The following TTI2 variants were observed in gnomAD, a reference collection of about 807,000 sequenced individuals.
TTI2 encodes the protein TELO2-interacting protein 2.
TTI2 carries 26 observed loss-of-function variants against 44.9 expected under a neutral mutation model. That is an observed-to-expected ratio of 0.58 (90% confidence interval 0.42 to 0.80). TTI2 has a LOEUF of 0.80. TTI2 is among the 30% of genes least tolerant of loss of function. TTI2 has a pLI of 0.00. For synonymous variants in TTI2, 254 were observed against 250.9 expected (o/e 1.01, Z -0.12); for missense variants, 582 against 611.6 (o/e 0.95, Z 0.51).
Position 33,500,442 on chromosome 8 carries a change from A to G in TTI2, c.1308T>C (p.Ile436=), listed in dbSNP as rs745419779. The change falls in exon 7 of 8, where the codon ATT becomes ATC. Residue 436 remains isoleucine (I), a synonymous_variant. Coordinates refer to ENST00000431156, the MANE Select transcript of TTI2 (RefSeq NM_001102401.4). ...VVLLKALLKL[I]CDVARDPNLT... ...GGTTTGGATCCCTTGCTACATCACAAATCAGTTTCAAGAGGGCCTTCAGTA... is the reference window on the plus strand; with the variant it reads ...GGTTTGGATCCCTTGCTACATCACAGATCAGTTTCAAGAGGGCCTTCAGTA... The G allele has an allele frequency of 5.6e-6, 9 of 1,613,968 alleles. No individual in the cohort carries two copies. The highest frequency in any genetic ancestry group is 2.2e-5 in the East Asian group (1 of 44,894).
intron 2 of TTI2, 67 bp from the exon 3 acceptor site, chr8:33,509,999 A>AC: frequency 9.8e-7 from 1 of 1,021,660 alleles, no homozygotes; most frequent in Non-Finnish European, 1.5e-6. Flanking sequence ...AAAAAAAAAA[A>AC]CTACTTCAAG....
In TTI2 at chr8:33,498,886, G is replaced by A. The variant is rs1808951246; in HGVS notation, c.*287C>T. The A allele has an allele frequency of 5.2e-6, 3 of 581,452 alleles. No individual in the cohort carries two copies. The South Asian group carries it at 6.5e-5, about 13-fold the overall frequency. The allele number at this position is 581,452 out of a possible 1,614,324, so 36.0% of individuals were successfully genotyped here. A position where few individuals can be genotyped will look rare whatever the true frequency, so the allele number is the denominator to read the frequency against. On this transcript the variant is annotated 3_prime_UTR_variant, in exon 8 of 8. Coordinates refer to ENST00000431156, the MANE Select transcript of TTI2 (RefSeq NM_001102401.4). Reference sequence around the variant, plus strand: ...TGTGCCCGAGAAACTTAACAGATGAGTTCTTGAATCTGGGATGAGATGACG... The same window carrying A: ...TGTGCCCGAGAAACTTAACAGATGAATTCTTGAATCTGGGATGAGATGACG...
Position 33,509,767 on chromosome 8 carries a change from G to A in TTI2, c.813C>T (p.Leu271=). 6.2e-7 allele frequency: 1 copy of A among 1,614,082 alleles called. No homozygotes were observed. Among genetic ancestry groups the A allele is most frequent in the Non-Finnish European group, 8.5e-7 (1 of 1,180,022 alleles). Reference sequence around the variant, plus strand: ...TTACCACATTAAGCACAATGTGATGGAGACAGTGTACACCCAGGATTTTGT... The same window carrying A: ...TTACCACATTAAGCACAATGTGATGAAGACAGTGTACACCCAGGATTTTGT... ...TENKILGVHC[L]HHIVLNVPAA... is the part of the protein sequence containing the mutation. Residue 271 remains leucine, a synonymous_variant, in exon 3 of 8, where the codon CTC becomes CTT. Transcript: ENST00000431156.
At chr8:33,506,315 T>C (rs1809291226) in intron 4 of TTI2, among the ~76,000 whole-genome samples, 2 of 151,682 alleles carry the variant, frequency 1.3e-5, no homozygotes, top group South Asian at 4.2e-4. Flanking sequence ...TGTGTGCTGA[T>C]AAAAGGCAAA....
chr8:33,498,805 G>A lies in TTI2; in HGVS notation c.*368C>T, dbSNP rs76212197. 0.021 allele frequency: 13,151 copies of A among 639,966 alleles called. 195 individuals carry two copies. The highest frequency in any genetic ancestry group is 0.048 in the South Asian group (2,341 of 48,812). 39.6% of individuals were successfully genotyped at this position (639,966 alleles called of 1,614,324 possible). A position where few individuals can be genotyped will look rare whatever the true frequency, so the allele number is the denominator to read the frequency against. On this transcript the variant is annotated 3_prime_UTR_variant, in exon 8 of 8. Transcript: ENST00000431156. ...GGGCAAGAAATCTGGAGTGAGTGAA[G>A]AAAGCTAAGTTGTGAACAAGAGTGT...
At chr8:33,505,814 C>T (rs948005587) in intron 4 of TTI2, among the ~76,000 whole-genome samples, 10 of 151,968 alleles carry the variant, frequency 6.6e-5, no homozygotes, top group Non-Finnish European at 1.0e-4. Context: ...CCACCATGCC[C>T]GGCTAATTTT....
At chr8:33,501,612 G>A (rs1030327889) in intron 6 of TTI2, among the ~76,000 whole-genome samples, 8 of 152,230 alleles carry the variant, frequency 5.3e-5, no homozygotes, top group South Asian at 2.1e-4. Flanking sequence ...GTGGTTTTCC[G>A]TTATCCTGGA....
intron 6 of TTI2, chr8:33,501,271 TGGGAGAAAA>T (rs1809069352): frequency 6.6e-6 from 1 of 152,216 alleles, no homozygotes; most frequent in Non-Finnish European, 1.5e-5. Context: ...GATGCGTGAC[TGGGAGAAAA>T]AAGTTTTCAT....
intron 7 of TTI2, 109 bp downstream of exon 7, chr8:33,500,219 T>C (rs983789329): frequency 1.5e-6 from 2 of 1,303,560 alleles, no homozygotes; most frequent in Non-Finnish European, 2.2e-6. Context: ...AAACCCTCCA[T>C]GTTCATTTCC....
intron 7 of TTI2, chr8:33,499,478 A>G (rs1390855755): frequency 2.0e-6 from 1 of 506,562 alleles, no homozygotes; most frequent in Non-Finnish European, 3.5e-6. Context: ...TGAAGGTGCT[A>G]CTTTAAAAAC....
rs1472127960 is a variant in TTI2 at position 33,512,234 on chromosome 8, A to G, written c.380T>C (p.Val127Ala). Residue 127 changes from valine to alanine, a missense_variant, in exon 2 of 8, where the codon GTT becomes GCT. Physicochemically the swap from Val to Ala is moderately conservative, Grantham distance 64 (BLOSUM62 0). Coordinates refer to ENST00000431156, the MANE Select transcript of TTI2 (RefSeq NM_001102401.4). ...GACCAGGGAATTCTTAGCAGTCTCA[A>G]CTTTCCCTAACAGTTTAAGAAACAG... ...GLLFLKLLGK[V>A]ETAKNSLVGP... The G allele has an allele frequency of 6.2e-6, 10 of 1,614,186 alleles. No individual in the cohort carries two copies. Among genetic ancestry groups the G allele is most frequent in the Non-Finnish European group, 8.5e-6 (10 of 1,180,030 alleles).
In TTI2 at chr8:33,499,463, T is replaced by C. The variant is rs567524279; in HGVS notation, c.1423-186A>G. 2.6e-3 allele frequency: 1,415 copies of C among 546,014 alleles called. 3 individuals are homozygous for C. Among genetic ancestry groups the C allele is most frequent in the Middle Eastern group, 5.9e-3 (12 of 2,020 alleles). 33.8% of individuals were successfully genotyped at this position (546,014 alleles called of 1,614,324 possible). On this transcript the variant is annotated intron_variant, in intron 7 of 7. Coordinates refer to ENST00000431156, the MANE Select transcript of TTI2 (RefSeq NM_001102401.4). The stretch of plus-strand genomic sequence containing the variant: ...TATTTTTAAATTTATATAGCTCTCA[T>C]GTATTGAAGGTGCTACTTTAAAAAC...
chr8:33,499,337 T>C, intron 7 of TTI2, 60 bp from the exon 8 acceptor site: 1 of 1,195,678 alleles, frequency 8.4e-7, no homozygotes, highest in Non-Finnish European at 1.2e-6. Context: ...TTTCCCCTTT[T>C]GCTTGATTCT....
At chr8:33,499,603 G>GA (rs1198952971) in intron 7 of TTI2, 3 of 233,850 alleles carry the variant, frequency 1.3e-5, no homozygotes, top group African/African-American at 6.9e-5. Flanking sequence ...GAGCTAAGAT[G>GA]AAATAGTTTG....
intron 7 of TTI2, 120 bp from the exon 8 acceptor site, chr8:33,499,397 G>A (rs1461969307): frequency 5.4e-6 from 4 of 742,908 alleles, no homozygotes; most frequent in African/African-American, 3.5e-5. Context: ...GACACTTAGG[G>A]ACAGGTCACT....
At chr8:33,511,607 G>A (rs1809529889) in intron 2 of TTI2, among the ~76,000 whole-genome samples, 1 of 152,124 alleles carries the variant, frequency 6.6e-6, no homozygotes, top group African/African-American at 2.4e-5. Flanking sequence ...ATTAAGCTAG[G>A]GCAGGCGCAG....
Position 33,503,762 on chromosome 8 carries a change from C to A in TTI2, c.1101G>T (p.Pro367=). Residue 367 remains proline (P), a synonymous_variant, in exon 5 of 8, where the codon CCG becomes CCT. Transcript: ENST00000431156. ...LLRRTYARNL[P]AFVNRLGILT... is the part of the protein sequence containing the mutation. ...CAGGGCCTCACCTGTTCACGAAAGC[C>A]GGCAGGTTTCTTGCGTAGGTCCTGC... 1.2e-6 allele frequency: 2 copies of A among 1,613,662 alleles called. No individual in the cohort carries two copies. The highest frequency in any genetic ancestry group is 1.7e-6 in the Non-Finnish European group (2 of 1,179,944).
intron 3 of TTI2, among the ~76,000 whole-genome samples, chr8:33,507,799 C>T (rs1031641041): frequency 6.6e-6 from 1 of 151,266 alleles, no homozygotes; most frequent in African/African-American, 2.4e-5. Flanking sequence ...GCCTGGGCAA[C>T]AGAGCAAGAC....
Position 33,509,883 on chromosome 8 carries a change from G to A in TTI2, c.697C>T (p.Leu233=), listed in dbSNP as rs1585332668. 7 of 1,605,902 alleles carry A rather than the reference G, an allele frequency of 4.4e-6. No individual in the cohort carries two copies. The East Asian group carries it at 1.4e-4, about 31-fold the overall frequency. ...PAIKHVFSWT[L]QQVTRPWLSQ... is the part of the protein sequence containing the mutation. The stretch of plus-strand genomic sequence containing the variant: ...AGCCAGGGCCGAGTGACCTGTTGCA[G>A]AGTCCATGAGAAAACATGTTTGATG... The change falls in exon 3 of 8, where the codon CTG becomes TTG. Residue 233 remains leucine (L), a synonymous_variant. Transcript: ENST00000431156.
Sources: allele counts gnomAD v4.1 joint callset (sites outside exome capture counted in the v4.1 genomes callset), GRCh38; gene constraint gnomAD v4.1.1; transcripts MANE v1.5; gene names NCBI Gene and HGNC (gene_info 2026-07-23, HGNC 2026-07-21).